Variants in COL27A1 observed in about 807,000 individuals in gnomAD.
COL27A1 encodes the protein collagen alpha-1(XXVII) chain.
A neutral mutation model predicts 251.3 loss-of-function variants in COL27A1; 106 were observed. That is an observed-to-expected ratio of 0.42 (90% CI 0.36 to 0.50). The LOEUF is 0.50. Among genes scored for constraint, COL27A1 ranks in the 20% least tolerant of loss-of-function variants. The probability of loss-of-function intolerance (pLI) is 0.00; values close to 1 mark genes in which losing one functional copy is unlikely to be tolerated. For synonymous variants in COL27A1, 1,000 were observed against 986.3 expected (o/e 1.01, Z -0.26); for missense variants, 2,325 against 2,522.8 (o/e 0.92, Z 1.68).
chr9:114,276,130 C>T (rs1835490509), intron 37 of COL27A1, among the ~76,000 whole-genome samples: 1 of 152,190 alleles, frequency 6.6e-6, no homozygotes, highest in Admixed American at 6.5e-5. Context: ...CTCCCTTCTT[C>T]ACTCCCCTGT....
intron 9 of COL27A1, among the ~76,000 whole-genome samples, chr9:114,206,014 G>GT (rs1259105536): frequency 2.6e-5 from 4 of 152,166 alleles, no homozygotes; most frequent in African/African-American, 9.7e-5. Context: ...GTAAGAGGAG[G>GT]TCTGGTTCTG....
chr9:114,206,104 G>C (rs114623743), intron 9 of COL27A1, 148 bp from the exon 10 acceptor site: 1 of 791,114 alleles, frequency 1.3e-6, no homozygotes, highest in African/African-American at 1.7e-5. Flanking sequence ...CTAGGGCTGT[G>C]GGGGTCAGGC....
chr9:114,282,313 G>A lies in COL27A1; in HGVS notation c.3754G>A (p.Gly1252Ser). ...AAAATCAGGGAAGCAAGGCGAGAAG[G>A]GCCGCACTGGAGCCAAGGTAGGTGT... ...EGKSGKQGEK[G>S]RTGAKGAKGY... is the part of the protein sequence containing the mutation. Residue 1252 changes from glycine to serine, a missense_variant, in exon 38 of 61, where the codon GGC (glycine) becomes AGC (serine). Coordinates refer to ENST00000356083, the MANE Select transcript of COL27A1 (RefSeq NM_032888.4). The A allele has an allele frequency of 1.2e-6, 2 of 1,614,014 alleles. No individual in the cohort carries two copies. Among genetic ancestry groups the A allele is most frequent in the Non-Finnish European group, 1.7e-6 (2 of 1,180,010 alleles).
At chr9:114,295,938 C>T (rs763776803) in intron 49 of COL27A1, among the ~76,000 whole-genome samples, 12 of 152,230 alleles carry the variant, frequency 7.9e-5, no homozygotes, top group Non-Finnish European at 1.3e-4. Flanking sequence ...TCAGCCACCA[C>T]ACCCGGCCTG....
intron 21 of COL27A1, 101 bp from the exon 22 acceptor site, chr9:114,242,086 C>G: frequency 2.9e-6 from 3 of 1,041,658 alleles, no homozygotes; most frequent in Non-Finnish European, 1.3e-6. Context: ...CAGGAGGGCT[C>G]TCCTCTGTCC....
At chr9:114,270,580 C>T in intron 35 of COL27A1, 148 bp from the exon 36 acceptor site, 4 of 619,630 alleles carry the variant, frequency 6.5e-6, no homozygotes, top group South Asian at 4.1e-5. Flanking sequence ...GGCTACCATG[C>T]ACCCACTGTG....
At chr9:114,289,145 AACCCCTCCCC>A in intron 44 of COL27A1, 87 bp from the exon 45 acceptor site, 6 of 1,237,858 alleles carry the variant, frequency 4.8e-6, no homozygotes, top group Non-Finnish European at 6.8e-6. Flanking sequence ...TGCACCCCCA[AACCCCTCCCC>A]ACCCCTCCCC....
intron 44 of COL27A1, 105 bp downstream of exon 44, chr9:114,289,072 A>AG: frequency 7.0e-7 from 1 of 1,429,794 alleles, no homozygotes; most frequent in Admixed American, 1.9e-5. Context: ...CCCTCCCTGC[A>AG]GGAGGGTCTG....
chr9:114,232,506 A>G (rs1832036321), intron 16 of COL27A1, among the ~76,000 whole-genome samples: 1 of 152,176 alleles, frequency 6.6e-6, no homozygotes. Context: ...CTCTGTGGCC[A>G]TCTTCCTGCC....
intron 5 of COL27A1, among the ~76,000 whole-genome samples, chr9:114,184,335 A>G (rs537798704): frequency 3.9e-5 from 6 of 152,236 alleles, no homozygotes; most frequent in Non-Finnish European, 8.8e-5. Context: ...TCTAAAGCCC[A>G]TCTCTCCTGA....
At chr9:114,200,002 C>A (rs1042208010) in intron 7 of COL27A1, among the ~76,000 whole-genome samples, 1 of 152,186 alleles carries the variant, frequency 6.6e-6, no homozygotes, top group Non-Finnish European at 1.5e-5. Flanking sequence ...TCCTGTTGCC[C>A]CCACCCTGCC....
intron 16 of COL27A1, among the ~76,000 whole-genome samples, chr9:114,233,269 C>G (rs1365532561): frequency 1.3e-5 from 2 of 152,180 alleles, no homozygotes; most frequent in African/African-American, 4.8e-5. Context: ...CCCCTGGACT[C>G]TTAGAACATT....
At chr9:114,206,031 T>G (rs1829933019) in intron 9 of COL27A1, among the ~76,000 whole-genome samples, 1 of 152,142 alleles carries the variant, frequency 6.6e-6, no homozygotes, top group Non-Finnish European at 1.5e-5. Context: ...TCTGCGGGGC[T>G]GGGGCTCCAG....
At chr9:114,221,675 T>C (rs1831121469) in intron 13 of COL27A1, among the ~76,000 whole-genome samples, 1 of 152,156 alleles carries the variant, frequency 6.6e-6, no homozygotes, top group Admixed American at 6.5e-5. Flanking sequence ...ACTCCCAGGC[T>C]AGAACTCTTT....
chr9:114,181,723 C>T (rs1827936775), intron 4 of COL27A1, among the ~76,000 whole-genome samples: 1 of 152,224 alleles, frequency 6.6e-6, no homozygotes, highest in Non-Finnish European at 1.5e-5. Context: ...GTGGACATAA[C>T]AGGACCCAGC....
intron 36 of COL27A1, among the ~76,000 whole-genome samples, chr9:114,275,404 T>G (rs1235292672): frequency 1.3e-5 from 2 of 152,212 alleles, no homozygotes; most frequent in Non-Finnish European, 2.9e-5. Context: ...CACTCTGCCC[T>G]TCGCAGCCCA....
intron 40 of COL27A1, among the ~76,000 whole-genome samples, chr9:114,284,417 T>G (rs1284666408): frequency 6.6e-6 from 1 of 152,102 alleles, no homozygotes; most frequent in Non-Finnish European, 1.5e-5. Flanking sequence ...AGGCAAGCAT[T>G]TTGCCCCTGT....
In COL27A1 at chr9:114,250,675, G is replaced by A. The variant is rs780731796; in HGVS notation, c.3033+7G>A. 26 of 1,610,216 alleles carry A rather than the reference G, an allele frequency of 1.6e-5. No homozygotes were observed. In the South Asian group the frequency reaches 2.7e-4, roughly 17 times the overall value. ...AGGAATCGTGGGAGAAAAGGTAAGT[G>A]GTGTTGAGGGGAAAAGATAAACAAT... On this transcript the variant is annotated splice_region_variant and intron_variant, in intron 25 of 60. Transcript: ENST00000356083.
Position 114,252,577 on chromosome 9 carries a change from G to A in COL27A1, c.3034-16G>A. On this transcript the variant is annotated splice_polypyrimidine_tract_variant and intron_variant, in intron 25 of 60. Transcript: ENST00000356083. ...GCCATAGCCGTGACCTGCCTGCATT[G>A]CTGTCTCCATCACAGGGTGATCGTG... 1 of 1,613,550 alleles carries A rather than the reference G, an allele frequency of 6.2e-7. No individual in the cohort carries two copies. Among genetic ancestry groups the A allele is most frequent in the Non-Finnish European group, 8.5e-7 (1 of 1,179,728 alleles).
Sources: allele counts gnomAD v4.1 joint callset (sites outside exome capture counted in the v4.1 genomes callset), GRCh38; gene constraint gnomAD v4.1.1; transcripts MANE v1.5; gene names NCBI Gene and HGNC (gene_info 2026-07-23, HGNC 2026-07-21).